The following NCAM1 variants were observed in gnomAD, a reference collection of about 807,000 sequenced individuals.
NCAM1 encodes antigen recognized by monoclonal antibody 5.1H11.
In NCAM1, 14 loss-of-function variants were observed where a neutral mutation model predicts 109.8. The observed-to-expected ratio is 0.13, with a 90% CI of 0.08 to 0.20. The LOEUF (loss-of-function observed/expected upper bound fraction) is 0.20. Ranked by LOEUF, NCAM1 falls within the 10% of genes least tolerant of loss-of-function variation. The probability of loss-of-function intolerance (pLI) is 1.00; values close to 1 mark genes in which losing one functional copy is unlikely to be tolerated. For missense variants in NCAM1, 774 were observed against 1,109.9 expected (o/e 0.70, Z 4.30); for synonymous variants, 418 against 442.9 (o/e 0.94, Z 0.70).
chr11:113,165,681 T>C (rs910885808), intron 1 of NCAM1, among the ~76,000 whole-genome samples: 1 of 152,092 alleles, frequency 6.6e-6, no homozygotes, highest in Non-Finnish European at 1.5e-5. Context: ...CTCTGGTTTC[T>C]CTGGTTGGGG....
intron 1 of NCAM1, among the ~76,000 whole-genome samples, chr11:113,151,893 T>G (rs1441088379): frequency 6.6e-6 from 1 of 152,142 alleles, no homozygotes; most frequent in Non-Finnish European, 1.5e-5. Context: ...GGAAAATGGA[T>G]GTAGGAGTGA....
intron 7 of NCAM1, 76 bp downstream of exon 7, chr11:113,208,078 C>A: frequency 6.8e-7 from 1 of 1,470,358 alleles, no homozygotes; most frequent in Admixed American, 2.0e-5. Context: ...ATCAGTAAGA[C>A]CCTGGCCACT....
intron 1 of NCAM1, among the ~76,000 whole-genome samples, chr11:113,038,256 T>A (rs1555079489): frequency 6.6e-6 from 1 of 152,168 alleles, no homozygotes. Flanking sequence ...CACTCACTGT[T>A]CTCCAGCAAG....
intron 1 of NCAM1, 109 bp downstream of exon 1, chr11:112,961,773 C>T: frequency 1.4e-6 from 1 of 733,890 alleles, no homozygotes; most frequent in Non-Finnish European, 2.3e-6. Context: ...ACTGCTAAGG[C>T]TGGTCATTTT....
intron 1 of NCAM1, among the ~76,000 whole-genome samples, chr11:113,107,636 T>C (rs1940233190): frequency 6.6e-6 from 1 of 152,102 alleles, no homozygotes; most frequent in Non-Finnish European, 1.5e-5. Flanking sequence ...TTTCCCCTTA[T>C]AAAACCATCA....
intron 1 of NCAM1, among the ~76,000 whole-genome samples, chr11:113,162,254 C>T (rs1555104539): frequency 6.6e-6 from 1 of 152,252 alleles, no homozygotes; most frequent in East Asian, 1.9e-4. Context: ...GATATTATAG[C>T]AACCCCTTTG....
At chr11:113,014,711 T>C (rs1357600701) in intron 1 of NCAM1, among the ~76,000 whole-genome samples, 2 of 152,238 alleles carry the variant, frequency 1.3e-5, no homozygotes, top group African/African-American at 4.8e-5. Context: ...CTCCATAGTA[T>C]TGGAAATACC....
intron 1 of NCAM1, among the ~76,000 whole-genome samples, chr11:113,088,524 C>T (rs1555088692): frequency 8.1e-5 from 9 of 110,970 alleles, no homozygotes. Context: ...CCCACTCAAC[C>T]ATTTGATATG....
At chr11:113,031,203 C>T (rs565856848) in intron 1 of NCAM1, among the ~76,000 whole-genome samples, 1 of 152,276 alleles carries the variant, frequency 6.6e-6, no homozygotes, top group East Asian at 1.9e-4. Flanking sequence ...AAATTGAACT[C>T]ATGGCCGTCA....
At chr11:113,212,266 G>T (rs1265194592) in intron 7 of NCAM1, among the ~76,000 whole-genome samples, 1 of 152,154 alleles carries the variant, frequency 6.6e-6, no homozygotes, top group Non-Finnish European at 1.5e-5. Context: ...GAGTAATAGA[G>T]AATTAAATTA....
chr11:113,055,690 T>C (rs1363073631), intron 1 of NCAM1, among the ~76,000 whole-genome samples: 2 of 152,066 alleles, frequency 1.3e-5, no homozygotes, highest in Admixed American at 6.6e-5. Context: ...AAGTGAGACC[T>C]GTGATTTGTT....
intron 1 of NCAM1, among the ~76,000 whole-genome samples, chr11:112,978,683 A>G (rs4430547): frequency 0.3 from 46,181 of 151,644 alleles, 8,053 homozygotes; most frequent in East Asian, 0.67. Context: ...GAGGTCTGTT[A>G]CTTTGGACTG....
chr11:112,975,974 A>C (rs1316697005), intron 1 of NCAM1, among the ~76,000 whole-genome samples: 1 of 151,958 alleles, frequency 6.6e-6, no homozygotes, highest in East Asian at 1.9e-4. Context: ...AAAATCATTC[A>C]CTATTTTGTG....
chr11:113,093,205 G>A (rs1249640811), intron 1 of NCAM1, among the ~76,000 whole-genome samples: 2 of 152,090 alleles, frequency 1.3e-5, no homozygotes, highest in East Asian at 1.9e-4. Flanking sequence ...GTTCCTCTAG[G>A]AGCACCCTAG....
At chr11:113,041,246 C>T (rs1555079935) in intron 1 of NCAM1, 1 of 152,162 alleles carries the variant, frequency 6.6e-6, no homozygotes, top group Non-Finnish European at 1.5e-5. Flanking sequence ...ATAAGACAGA[C>T]ATAAACCCAT....
intron 1 of NCAM1, among the ~76,000 whole-genome samples, chr11:113,198,102 A>G (rs1943911161): frequency 1.3e-5 from 2 of 152,188 alleles, no homozygotes; most frequent in African/African-American, 2.4e-5. Flanking sequence ...ATTTTACTCA[A>G]CTGAGGTGGG....
At chr11:113,070,255 G>T (rs1938198347) in intron 1 of NCAM1, among the ~76,000 whole-genome samples, 1 of 152,110 alleles carries the variant, frequency 6.6e-6, no homozygotes, top group Admixed American at 6.5e-5. Flanking sequence ...GAGAAAGAGA[G>T]ATGGAAACTA....
At chr11:113,271,369 C>CAAAAAAAAAAAA (rs71060298) in intron 18 of NCAM1, among the ~76,000 whole-genome samples, 6 of 66,882 alleles carry the variant, frequency 9.0e-5, no homozygotes, top group East Asian at 4.8e-4. Context: ...GACTCTGTCT[C>CAAAAAAAAAAAA]AAAAAAAAAA....
At chr11:113,217,257 G>A (rs1944556859) in intron 8 of NCAM1, among the ~76,000 whole-genome samples, 1 of 152,130 alleles carries the variant, frequency 6.6e-6, no homozygotes, top group African/African-American at 2.4e-5. Flanking sequence ...CCTCTGCAGG[G>A]GAGTTGGCCA....
Sources: allele counts gnomAD v4.1 joint callset (sites outside exome capture counted in the v4.1 genomes callset), GRCh38; gene constraint gnomAD v4.1.1; transcripts MANE v1.5; gene names NCBI Gene and HGNC (gene_info 2026-07-23, HGNC 2026-07-21).